Variants in TMEM132C observed in about 807,000 individuals in gnomAD.
The protein encoded by TMEM132C is transmembrane protein 132C.
In TMEM132C, 29 loss-of-function variants were observed where a neutral mutation model predicts 61.4. The observed-to-expected ratio is 0.47, with a 90% confidence interval of 0.35 to 0.64. TMEM132C has a LOEUF of 0.64. TMEM132C is among the 30% of genes least tolerant of loss of function. The pLI, the probability that TMEM132C is intolerant of heterozygous loss-of-function variation, is 0.00. For missense variants in TMEM132C, 1,408 were observed against 1,476.9 expected, an observed-to-expected ratio of 0.95 and a Z score of 0.76; for synonymous variants, 656 against 633.1, an observed-to-expected ratio of 1.04 and a Z score of -0.54.
At chr12:128,273,010 T>C (rs947136059) in intron 1 of TMEM132C, among the ~76,000 whole-genome samples, 1 of 152,156 alleles carries the variant, frequency 6.6e-6, no homozygotes, top group Non-Finnish European at 1.5e-5. Flanking sequence ...TATTTTCTTT[T>C]AGTTATTGGT....
intron 1 of TMEM132C, among the ~76,000 whole-genome samples, chr12:128,361,688 G>A (rs184020513): frequency 6.7e-6 from 1 of 149,630 alleles, no homozygotes; most frequent in Admixed American, 6.6e-5. Flanking sequence ...TAATACTGCT[G>A]TGCCTGTGGG....
chr12:128,618,903 C>T (rs1038320727), intron 4 of TMEM132C, among the ~76,000 whole-genome samples: 1 of 152,122 alleles, frequency 6.6e-6, no homozygotes, highest in Non-Finnish European at 1.5e-5. Flanking sequence ...ACAACTTGAC[C>T]TCAGCTATGC....
intron 8 of TMEM132C, among the ~76,000 whole-genome samples, chr12:128,700,374 G>A (rs1288182985): frequency 6.6e-6 from 1 of 152,218 alleles, no homozygotes; most frequent in African/African-American, 2.4e-5. Flanking sequence ...TGAGCTTATG[G>A]TAGAAGTTAG....
chr12:128,355,121 T>C (rs1373630478), intron 1 of TMEM132C, among the ~76,000 whole-genome samples: 1 of 152,092 alleles, frequency 6.6e-6, no homozygotes, highest in Non-Finnish European at 1.5e-5. Flanking sequence ...AGAAAACCCT[T>C]TTGAGATATT....
intron 1 of TMEM132C, among the ~76,000 whole-genome samples, chr12:128,320,049 A>T (rs1172371364): frequency 6.6e-6 from 1 of 152,180 alleles, no homozygotes; most frequent in Non-Finnish European, 1.5e-5. Context: ...AAACCTGTTG[A>T]ATCAGCCCTA....
intron 1 of TMEM132C, among the ~76,000 whole-genome samples, chr12:128,296,767 A>C (rs2135914382): frequency 6.6e-6 from 1 of 152,334 alleles, no homozygotes; most frequent in Admixed American, 6.5e-5. Context: ...CAAGAAATTC[A>C]TGTTTTCCTT....
At chr12:128,650,058 C>T (rs1954252670) in intron 4 of TMEM132C, among the ~76,000 whole-genome samples, 1 of 152,162 alleles carries the variant, frequency 6.6e-6, no homozygotes, top group African/African-American at 2.4e-5. Flanking sequence ...AAAATTTGCT[C>T]AGCTACCATT....
intron 5 of TMEM132C, among the ~76,000 whole-genome samples, chr12:128,689,826 C>T (rs1348750828): frequency 6.6e-6 from 1 of 152,182 alleles, no homozygotes; most frequent in Non-Finnish European, 1.5e-5. Flanking sequence ...GTTACAAATG[C>T]CCGTGTGGGT....
chr12:128,583,543 C>T (rs1309120960), intron 3 of TMEM132C, among the ~76,000 whole-genome samples: 1 of 152,156 alleles, frequency 6.6e-6, no homozygotes, highest in Non-Finnish European at 1.5e-5. Context: ...CCTCACTGGT[C>T]CTACCTGATG....
intron 2 of TMEM132C, among the ~76,000 whole-genome samples, chr12:128,509,175 G>T (rs1444040689): frequency 1.3e-5 from 2 of 152,168 alleles, no homozygotes; most frequent in Non-Finnish European, 2.9e-5. Flanking sequence ...CATTGATTTT[G>T]AGGTTTATTT....
At chr12:128,294,991 A>ATAGATAGATAGATAGATAGGTAGG (rs370700296) in intron 1 of TMEM132C, among the ~76,000 whole-genome samples, 9 of 149,578 alleles carry the variant, frequency 6.0e-5, no homozygotes, top group African/African-American at 2.0e-4. Context: ...TAAATAATAG[A>ATAGATAGATAGATAGATAGGTAGG]TAGATAGATA....
intron 3 of TMEM132C, among the ~76,000 whole-genome samples, chr12:128,544,646 G>C (rs900008125): frequency 2.6e-5 from 4 of 152,122 alleles, no homozygotes; most frequent in African/African-American, 9.7e-5. Context: ...AATTATAGCG[G>C]GGGGAATCAT....
At chr12:128,340,791 C>CTT (rs879282216) in intron 1 of TMEM132C, among the ~76,000 whole-genome samples, 11,478 of 146,120 alleles carry the variant, frequency 0.079, 930 homozygotes, top group African/African-American at 0.2. Context: ...TTCTCTCTCT[C>CTT]TCTCTCTCTT....
chr12:128,569,741 T>C (rs530704427), intron 3 of TMEM132C, among the ~76,000 whole-genome samples: 1 of 152,320 alleles, frequency 6.6e-6, no homozygotes, highest in African/African-American at 2.4e-5. Context: ...TTCAAGGGGT[T>C]GCATTGGTTC....
rs142684508 is a variant in TMEM132C, at chr12:128,602,072, G to T, written c.1122-14080G>T. Among the ~76,000 whole-genome samples the T allele has an allele frequency of 2.5e-3, 376 of 152,152 alleles. 1 individual carries two copies. Among genetic ancestry groups the T allele is most frequent in the Non-Finnish European group, 3.9e-3 (265 of 68,006 alleles). ...AAATTTAAAATTAAGAAAATTAGTT[G>T]GGCATGGTGGTCAGTACCTGTAGCC... On this transcript the variant is annotated intron_variant, in intron 3 of 8. Coordinates refer to ENST00000435159, the MANE Select transcript of TMEM132C (RefSeq NM_001136103.3).
At chr12:128,400,605 T>G (rs867721906) in intron 1 of TMEM132C, among the ~76,000 whole-genome samples, 9 of 151,368 alleles carry the variant, frequency 5.9e-5, no homozygotes, top group South Asian at 2.1e-4. Context: ...TTTTGTTTTT[T>G]TTTTTTTTTG....
At chr12:128,347,420 TCTCTC>T in intron 1 of TMEM132C, among the ~76,000 whole-genome samples, 1 of 151,514 alleles carries the variant, frequency 6.6e-6, no homozygotes, top group Non-Finnish European at 1.5e-5. Flanking sequence ...TCTCTCTCTC[TCTCTC>T]TCTCTCTCTC....
intron 4 of TMEM132C, among the ~76,000 whole-genome samples, chr12:128,624,312 G>T: frequency 6.6e-6 from 1 of 152,198 alleles, no homozygotes. Context: ...TTGGGAGCCC[G>T]AGGCGAGTGG....
intron 2 of TMEM132C, among the ~76,000 whole-genome samples, chr12:128,494,646 T>G (rs1357412721): frequency 6.6e-6 from 1 of 152,216 alleles, no homozygotes. Context: ...GAGCTATTGA[T>G]AATATTCTCT....
Sources: allele counts gnomAD v4.1 joint callset (sites outside exome capture counted in the v4.1 genomes callset), GRCh38; gene constraint gnomAD v4.1.1; transcripts MANE v1.5; gene names NCBI Gene and HGNC (gene_info 2026-07-23, HGNC 2026-07-21).